UBR4: variants seen among roughly 807,000 people sequenced by gnomAD.
UBR4 encodes the protein E3 ubiquitin-protein ligase UBR4.
A neutral mutation model predicts 575.6 loss-of-function variants in UBR4; 124 were observed. The observed-to-expected ratio is 0.22, with a 90% CI of 0.19 to 0.25. The LOEUF is 0.25. Among genes scored for constraint, UBR4 ranks in the 10% least tolerant of loss-of-function variants. UBR4 has a pLI of 1.00. For missense variants in UBR4, 4,818 were observed against 6,478.8 expected, an observed-to-expected ratio of 0.74 and a Z score of 8.80; for synonymous variants, 2,455 against 2,473.7, an observed-to-expected ratio of 0.99 and a Z score of 0.22.
intron 105 of UBR4, 169 bp from the exon 106 acceptor site, chr1:19,075,065 C>G: frequency 1.5e-6 from 1 of 683,992 alleles, no homozygotes; most frequent in East Asian, 2.7e-5. Flanking sequence ...GAGCAAAACC[C>G]TGTTCCGCAG....
At chr1:19,196,608 T>A (rs2092468067) in intron 8 of UBR4, among the ~76,000 whole-genome samples, 1 of 152,106 alleles carries the variant, frequency 6.6e-6, no homozygotes. Flanking sequence ...AAAAAGGGGA[T>A]TTTATGGAAG....
intron 44 of UBR4, 73 bp from the exon 45 acceptor site, chr1:19,154,012 C>T: frequency 1.3e-6 from 2 of 1,522,560 alleles, no homozygotes; most frequent in Non-Finnish European, 1.8e-6. Flanking sequence ...ACCTAAAAAC[C>T]ATCCTCTAAC....
In UBR4 at chr1:19,159,209, C is replaced by T. The variant is rs560983629; in HGVS notation, c.5577+902G>A. On this transcript the variant is annotated intron_variant, in intron 39 of 105. Coordinates refer to ENST00000375254, the MANE Select transcript of UBR4 (RefSeq NM_020765.3). ...CTCATTCGCAATATTTGTTCACTTCCTTTTTGGAATCGCCACCACTTTACT... is the reference window on the plus strand; with the variant it reads ...CTCATTCGCAATATTTGTTCACTTCTTTTTTGGAATCGCCACCACTTTACT... Among the ~76,000 whole-genome samples, 4 of 152,278 alleles carry T rather than the reference C, an allele frequency of 2.6e-5. No individual in the cohort carries two copies. The South Asian group carries it at 8.3e-4, about 32-fold the overall frequency.
In UBR4 at chr1:19,153,686, C is replaced by T; in HGVS notation, c.6630+82G>A. ...CTTTTATGGGCCTCCATTGAAAGAG[C>T]TGGGAAAGTGAAATGAATATACAAA... On this transcript the variant is annotated intron_variant, in intron 45 of 105. Transcript: ENST00000375254. The surrounding 1 kb of genome is among the most constrained non-coding windows in gnomAD (Gnocchi z 4.1). 3.3e-6 allele frequency: 5 copies of T among 1,534,378 alleles called. No homozygotes were observed. Among genetic ancestry groups the T allele is most frequent in the Non-Finnish European group, 1.8e-6 (2 of 1,140,376 alleles).
chr1:19,147,137 A>C (rs1378668048), intron 51 of UBR4, 137 bp from the exon 52 acceptor site: 1 of 824,288 alleles, frequency 1.2e-6, no homozygotes, highest in African/African-American at 1.7e-5. Flanking sequence ...CCAATCACCT[A>C]CAACAGATCT....
At chr1:19,159,544 A>G (rs1410996442) in intron 39 of UBR4, among the ~76,000 whole-genome samples, 2 of 152,134 alleles carry the variant, frequency 1.3e-5, no homozygotes, top group Non-Finnish European at 2.9e-5. Context: ...TATATGAACT[A>G]AAAAGGAGAT....
chr1:19,166,941 C>T (rs1274810056), intron 29 of UBR4, 81 bp downstream of exon 29: 2 of 1,465,204 alleles, frequency 1.4e-6, no homozygotes, highest in East Asian at 2.3e-5. Flanking sequence ...CTATTAATGA[C>T]CTAAAGGCAG....
At chr1:19,142,914 G>C (rs1272213178) in intron 55 of UBR4, among the ~76,000 whole-genome samples, 1 of 151,910 alleles carries the variant, frequency 6.6e-6, no homozygotes, top group Non-Finnish European at 1.5e-5. Flanking sequence ...TTGAGGTCAG[G>C]AGTTCGAGAC....
intron 11 of UBR4, among the ~76,000 whole-genome samples, chr1:19,189,583 G>T (rs1414564214): frequency 6.6e-6 from 1 of 152,156 alleles, no homozygotes; most frequent in African/African-American, 2.4e-5. Flanking sequence ...TATGTGCACA[G>T]AAAAATGTCT....
intron 15 of UBR4, among the ~76,000 whole-genome samples, chr1:19,184,389 C>T (rs2091320277): frequency 6.6e-6 from 1 of 152,170 alleles, no homozygotes; most frequent in African/African-American, 2.4e-5. Context: ...AAATGGCATT[C>T]CAGTTTAATA....
At chr1:19,120,138 C>A (rs2081015334) in intron 69 of UBR4, 42 bp downstream of exon 69, 5 of 1,605,632 alleles carry the variant, frequency 3.1e-6, no homozygotes, top group Non-Finnish European at 4.3e-6. Context: ...GCACCCTGGC[C>A]TCACACCCTT....
intron 84 of UBR4, 103 bp from the exon 85 acceptor site, chr1:19,105,292 T>C (rs1481424450): frequency 2.2e-6 from 3 of 1,357,194 alleles, no homozygotes; most frequent in Non-Finnish European, 3.0e-6. Context: ...TTCTGCTGTC[T>C]GTCTCTCCTG....
chr1:19,183,988 C>A (rs1440039603), intron 16 of UBR4, 28 bp downstream of exon 16: 1 of 1,613,754 alleles, frequency 6.2e-7, no homozygotes, highest in Non-Finnish European at 8.5e-7. Flanking sequence ...GAAAAAAAAT[C>A]CATCAGGCAC....
chr1:19,200,891 C>T (rs895454039), intron 2 of UBR4, among the ~76,000 whole-genome samples: 25 of 152,210 alleles, frequency 1.6e-4, no homozygotes, highest in Non-Finnish European at 2.8e-4. Context: ...TGCCTGTAAT[C>T]CCAGCACTTT....
chr1:19,120,402 G>A, intron 68 of UBR4, 54 bp from the exon 69 acceptor site: 2 of 1,576,820 alleles, frequency 1.3e-6, no homozygotes, highest in Non-Finnish European at 1.7e-6. Context: ...GTCCTCCAGG[G>A]TCCTAAGGCC....
intron 64 of UBR4, 114 bp from the exon 65 acceptor site, chr1:19,124,804 T>C: frequency 7.3e-7 from 1 of 1,374,680 alleles, no homozygotes; most frequent in Non-Finnish European, 9.9e-7. Flanking sequence ...AAAGGGTGCC[T>C]TTCAGAGCTG....
intron 27 of UBR4, among the ~76,000 whole-genome samples, chr1:19,169,163 C>T (rs2089082150): frequency 1.3e-5 from 2 of 152,102 alleles, no homozygotes; most frequent in Admixed American, 6.5e-5. Context: ...TACATTGAAT[C>T]GTCACAGCCC....
At chr1:19,144,944 GA>G in intron 53 of UBR4, 37 bp from the exon 54 acceptor site, 23 of 1,608,838 alleles carry the variant, frequency 1.4e-5, no homozygotes, top group Non-Finnish European at 1.7e-5. Flanking sequence ...AAATCTGGAG[GA>G]AAAAACTCTA....
rs751880980 is a variant in UBR4 at position 19,186,624 on chromosome 1, T to C, written c.1666A>G (p.Met556Val). ...CVLQRQRKGS[M>V]SSDASASTDS... ...GTGGAGGCGCTGGCATCGCTGCTCA[T>C]GGAGCCCTTCCTCTGCCGCTGCAGG... The change falls in exon 14 of 106, where the codon ATG becomes GTG. Residue 556 changes from methionine to valine, a missense_variant. Around this residue, in one of 29 missense-constraint regions of UBR4, gnomAD observed 162 missense variants for 216.4 expected, o/e 0.75. Coordinates refer to ENST00000375254, the MANE Select transcript of UBR4 (RefSeq NM_020765.3). 7.4e-6 allele frequency: 12 copies of C among 1,614,056 alleles called. No individual in the cohort carries two copies. The East Asian group carries it at 1.1e-4, about 15-fold the overall frequency.
Sources: allele counts gnomAD v4.1 joint callset (sites outside exome capture counted in the v4.1 genomes callset), GRCh38; gene constraint gnomAD v4.1.1; regional missense constraint gnomAD v4.1.1; non-coding constraint Gnocchi (gnomAD v3.1); transcripts MANE v1.5; gene names NCBI Gene and HGNC (gene_info 2026-07-23, HGNC 2026-07-21).